PLEKHG3: variants seen among roughly 807,000 people sequenced by gnomAD.
PLEKHG3 encodes pleckstrin homology and RhoGEF domain containing G3.
In PLEKHG3, 62 loss-of-function variants were observed where a neutral mutation model predicts 94.9. The observed-to-expected ratio is 0.65, with a 90% CI of 0.53 to 0.81. The LOEUF (loss-of-function observed/expected upper bound fraction) is 0.81. Among genes scored for constraint, PLEKHG3 ranks in the 30% least tolerant of loss-of-function variants. The pLI is 0.00. For synonymous variants in PLEKHG3, 614 were observed against 654.0 expected (o/e 0.94, Z 0.93); for missense variants, 1,461 against 1,619.3 (o/e 0.90, Z 1.68).
Position 64,731,188 on chromosome 14 carries a change from GCT to G in PLEKHG3, c.849+20_849+21del. On this transcript the variant is annotated intron_variant, in intron 7 of 16. Transcript: ENST00000247226. This position sits in a 1 kb window ranked among gnomAD's most constrained non-coding sequence, Gnocchi z 6.1. ...GCTCCAGGTGCTCTGGGGCTGGGAC[GCT>G]GGGGGAGGGGCAGGGCTGGGTGGGC... 6.3e-7 allele frequency: 1 copy of G among 1,597,104 alleles called. No individual in the cohort carries two copies. The highest frequency in any genetic ancestry group is 8.6e-7 in the Non-Finnish European group (1 of 1,167,282).
In PLEKHG3 at chr14:64,729,050, A is replaced by G; in HGVS notation, c.406A>G (p.Ser136Gly). The G allele has an allele frequency of 6.5e-7, 1 of 1,528,792 alleles. No homozygotes were observed. Among genetic ancestry groups the G allele is most frequent in the Non-Finnish European group, 8.8e-7 (1 of 1,140,498 alleles). 94.7% of individuals were successfully genotyped at this position (1,528,792 alleles called of 1,614,324 possible). A position where few individuals can be genotyped will look rare whatever the true frequency, so the allele number is the denominator to read the frequency against. ...TPGLLKPEQV[S>G]ALFGNIENIY... ...CGGGCTGCTGAAGCCAGAACAGGTC[A>G]GCGCCCTCTTTGGGAACATAGAAAA... is the stretch of plus-strand genomic sequence containing the variant. The change falls in exon 3 of 17, where the codon AGC becomes GGC. Residue 136 changes from serine (S) to glycine (G), a missense_variant. By Grantham distance (56) the Ser-to-Gly change is moderately conservative. This residue lies in a region of PLEKHG3 where 253 missense variants were observed against 297.8 expected (regional missense o/e 0.85). Transcript: ENST00000247226.
rs1388597240 is a variant in PLEKHG3 at position 64,723,571 on chromosome 14, G to A, written c.-39-4022G>A. ...GCTGGAGTACAGTGGCGCGATCTCA[G>A]CTCACTGAAACATCTGCCTTCCAGG... On this transcript the variant is annotated intron_variant, in intron 1 of 16. Transcript: ENST00000247226. This position sits in a 1 kb window ranked among gnomAD's most constrained non-coding sequence, Gnocchi z 4.5. 6.6e-6 allele frequency among the ~76,000 whole-genome samples: 1 copy of A among 152,042 alleles called. No individual in the cohort carries two copies.
At chr14:64,710,331 T>C (rs1243873870) in intron 1 of PLEKHG3, among the ~76,000 whole-genome samples, 2 of 152,174 alleles carry the variant, frequency 1.3e-5, no homozygotes, top group African/African-American at 4.8e-5. Flanking sequence ...CTTCTACATA[T>C]AAGCTATGTC....
rs754844099 is a variant in PLEKHG3 at position 64,741,371 on chromosome 14, C to T, written c.1854C>T (p.Ser618=). Residue 618 remains serine, a synonymous_variant, in exon 16 of 17, where the codon AGC becomes AGT. Transcript: ENST00000247226. The part of the protein sequence containing the change: ...RFVSSFSRRS[S]VAQEDSKSSG... Reference sequence around the variant, plus strand: ...TCAGCAGCTTCTCTCGGCGGAGCAGCGTGGCACAGGAGGACAGCAAGTCCA... The same window carrying T: ...TCAGCAGCTTCTCTCGGCGGAGCAGTGTGGCACAGGAGGACAGCAAGTCCA... 9.3e-6 allele frequency: 15 copies of T among 1,613,432 alleles called. No homozygotes were observed. In the South Asian group the frequency reaches 1.1e-4, roughly 12 times the overall value.
intron 15 of PLEKHG3, 63 bp from the exon 16 acceptor site, chr14:64,740,973 T>A: frequency 7.2e-7 from 1 of 1,379,542 alleles, no homozygotes; most frequent in Non-Finnish European, 9.9e-7. Context: ...TGCTGTCCCC[T>A]TGTTCCCCGG....
Position 64,716,206 on chromosome 14 carries a change from C to T in PLEKHG3, c.-39-11387C>T. On this transcript the variant is annotated intron_variant, in intron 1 of 16. Coordinates refer to ENST00000247226, the MANE Select transcript of PLEKHG3 (RefSeq NM_001308147.2). This position sits in a 1 kb window ranked among gnomAD's most constrained non-coding sequence, Gnocchi z 5.0. ...TTCCCCCAGGAAACCCAGCCAATCA[C>T]AGGCTTTAGGGTAAAAGGCAGGTTT... 1 of 372,762 alleles carries T rather than the reference C, an allele frequency of 2.7e-6. No individual in the cohort carries two copies. The highest frequency in any genetic ancestry group is 5.4e-6 in the Non-Finnish European group (1 of 185,760). 23.1% of individuals were successfully genotyped at this position (372,762 alleles called of 1,614,324 possible). A position where few individuals can be genotyped will look rare whatever the true frequency, so the allele number is the denominator to read the frequency against.
At position 64,727,501 on chromosome 14, in the gene PLEKHG3, A is replaced by ACCC; in HGVS notation, c.-39-90_-39-88dup. The ACCC allele has an allele frequency of 7.1e-6, 2 of 280,846 alleles. No individual in the cohort carries two copies. Among genetic ancestry groups the ACCC allele is most frequent in the African/African-American group, 2.8e-5 (1 of 35,734 alleles). The allele number at this position is 280,846 out of a possible 1,614,324, so 17.4% of individuals were successfully genotyped here. ...TGGATGCACTAAATAATACCTTCCC[A>ACCC]CCCCACCTGCCCCCACCCCTGGCAA... On this transcript the variant is annotated intron_variant, in intron 1 of 16. Transcript: ENST00000247226. This position sits in a 1 kb window ranked among gnomAD's most constrained non-coding sequence, Gnocchi z 6.0.
At chr14:64,706,518 G>C (rs73271700) in intron 1 of PLEKHG3, among the ~76,000 whole-genome samples, 1 of 152,204 alleles carries the variant, frequency 6.6e-6, no homozygotes, top group Non-Finnish European at 1.5e-5. Flanking sequence ...TTTGTGGAAA[G>C]TGCTCCATAA....
chr14:64,730,364 A>G lies in PLEKHG3; in HGVS notation c.519+52A>G. On this transcript the variant is annotated intron_variant, in intron 4 of 16. Coordinates refer to ENST00000247226, the MANE Select transcript of PLEKHG3 (RefSeq NM_001308147.2). This position sits in a 1 kb window ranked among gnomAD's most constrained non-coding sequence, Gnocchi z 5.4. ...GTCCTACCTTGCTGAGAGCTCAGAG[A>G]GACAAGAACTGCCAGCATAAGAGGA... 2 of 1,175,026 alleles carry G rather than the reference A, an allele frequency of 1.7e-6. No individual in the cohort carries two copies. Among genetic ancestry groups the G allele is most frequent in the Non-Finnish European group, 2.4e-6 (2 of 817,144 alleles). 72.8% of individuals were successfully genotyped at this position (1,175,026 alleles called of 1,614,324 possible). A position where few individuals can be genotyped will look rare whatever the true frequency, so the allele number is the denominator to read the frequency against.
At chr14:64,742,544 C>A in intron 16 of PLEKHG3, 89 bp downstream of exon 16, 1 of 964,432 alleles carries the variant, frequency 1.0e-6, no homozygotes. Flanking sequence ...GGAAAGTGAC[C>A]TCTAAGGAGG....
In PLEKHG3 at chr14:64,715,959, C is replaced by T. The variant is rs900280211; in HGVS notation, c.-40+11255C>T. On this transcript the variant is annotated intron_variant, in intron 1 of 16. Transcript: ENST00000247226. The surrounding 1 kb of genome is among the most constrained non-coding windows in gnomAD (Gnocchi z 4.4). ...AGGAGGCGGCGGGCGCTTTAATTCC[C>T]GAGGCTGTTGGTGGCAGCTCGCTGC... 4.3e-5 allele frequency: 19 copies of T among 445,384 alleles called. 1 individual carries two copies. Among genetic ancestry groups the T allele is most frequent in the South Asian group, 1.3e-4 (8 of 63,482 alleles). 27.6% of individuals were successfully genotyped at this position (445,384 alleles called of 1,614,324 possible).
rs540092667 is a variant in PLEKHG3, at chr14:64,725,548, T to C, written c.-39-2045T>C. On this transcript the variant is annotated intron_variant, in intron 1 of 16. Transcript: ENST00000247226. The surrounding 1 kb of genome is among the most constrained non-coding windows in gnomAD (Gnocchi z 5.0). ...TTCTGTAAAAGGCATAGCTGATTAA[T>C]TGTAAAGGCCCTTTTGAGGAGGGAG... is the stretch of plus-strand genomic sequence containing the variant. 6.6e-6 allele frequency among the ~76,000 whole-genome samples: 1 copy of C among 152,178 alleles called. No individual in the cohort carries two copies. The highest frequency in any genetic ancestry group is 1.5e-5 in the Non-Finnish European group (1 of 68,030).
At position 64,749,215 on chromosome 14, in the gene PLEKHG3, T is replaced by C. The variant is rs552641164; in HGVS notation, c.*5512T>C. On this transcript the variant is annotated 3_prime_UTR_variant, in exon 17 of 17. Coordinates refer to ENST00000247226, the MANE Select transcript of PLEKHG3 (RefSeq NM_001308147.2). The surrounding 1 kb of genome is among the most constrained non-coding windows in gnomAD (Gnocchi z 4.7). ...GGCCCGCGACTCGACTCATCTCGAT[T>C]CGACCGGCGGGCGGCGGCGAGAGGA... 1.3e-4 allele frequency: 186 copies of C among 1,469,832 alleles called. No homozygotes were observed. In the African/African-American group the frequency reaches 2.5e-3, roughly 20 times the overall value. 91.0% of individuals were successfully genotyped at this position (1,469,832 alleles called of 1,614,324 possible). A position where few individuals can be genotyped will look rare whatever the true frequency, so the allele number is the denominator to read the frequency against.
At position 64,743,823 on chromosome 14, in the gene PLEKHG3, C is replaced by G; in HGVS notation, c.*120C>G. 9.1e-7 allele frequency: 1 copy of G among 1,096,306 alleles called. No homozygotes were observed. Among genetic ancestry groups the G allele is most frequent in the Non-Finnish European group, 1.3e-6 (1 of 791,210 alleles). The allele number at this position is 1,096,306 out of a possible 1,614,324, so 67.9% of individuals were successfully genotyped here. On this transcript the variant is annotated 3_prime_UTR_variant, in exon 17 of 17. Transcript: ENST00000247226. The surrounding 1 kb of genome is among the most constrained non-coding windows in gnomAD (Gnocchi z 7.2). ...AGGGCCCTCAGGTGGGCGGAAAGTC[C>G]ATCCCCTCCGCCCTTCAGGAAGGAT...
chr14:64,737,971 A>AGG, intron 14 of PLEKHG3: 1 of 1,141,136 alleles, frequency 8.8e-7, no homozygotes. Flanking sequence ...GAAGAGGAGG[A>AGG]GGTGGTGGAG....
chr14:64,726,124 G>C lies in PLEKHG3; in HGVS notation c.-39-1469G>C, dbSNP rs2081347752. On this transcript the variant is annotated intron_variant, in intron 1 of 16. Transcript: ENST00000247226. The surrounding 1 kb of genome is among the most constrained non-coding windows in gnomAD (Gnocchi z 5.1). ...TGGATGTAAATTACATAGGTTGGGG[G>C]ATGGTACTGTATGGGGTGGATGGGG... is the stretch of plus-strand genomic sequence containing the variant. 6.6e-6 allele frequency among the ~76,000 whole-genome samples: 1 copy of C among 152,166 alleles called. No individual in the cohort carries two copies. The highest frequency in any genetic ancestry group is 1.5e-5 in the Non-Finnish European group (1 of 68,024).
chr14:64,732,582 G>C lies in PLEKHG3; in HGVS notation c.1246+122G>C. 1 of 885,066 alleles carries C rather than the reference G, an allele frequency of 1.1e-6. No homozygotes were observed. The highest frequency in any genetic ancestry group is 1.9e-6 in the Non-Finnish European group (1 of 525,322). 54.8% of individuals were successfully genotyped at this position (885,066 alleles called of 1,614,324 possible). ...GGAGCAGGGAGGGCGGGGGTCTCCT[G>C]TTAAGGGCTGGGGGGTGAACTACAT... On this transcript the variant is annotated intron_variant, in intron 11 of 16. Coordinates refer to ENST00000247226, the MANE Select transcript of PLEKHG3 (RefSeq NM_001308147.2). The surrounding 1 kb of genome is among the most constrained non-coding windows in gnomAD (Gnocchi z 4.9).
Position 64,743,925 on chromosome 14 carries a change from G to A in PLEKHG3, c.*222G>A. ...AATTTCCCACTCACCTGTGAGGCCGGTGTGGCTGCTTCCCTTGTAAATAGT... is the reference window on the plus strand; with the variant it reads ...AATTTCCCACTCACCTGTGAGGCCGATGTGGCTGCTTCCCTTGTAAATAGT... On this transcript the variant is annotated 3_prime_UTR_variant, in exon 17 of 17. Transcript: ENST00000247226. This position sits in a 1 kb window ranked among gnomAD's most constrained non-coding sequence, Gnocchi z 7.2. 4.3e-6 allele frequency: 2 copies of A among 468,622 alleles called. No individual in the cohort carries two copies. The highest frequency in any genetic ancestry group is 7.5e-6 in the Non-Finnish European group (2 of 268,082). 29.0% of individuals were successfully genotyped at this position (468,622 alleles called of 1,614,324 possible).
Position 64,749,242 on chromosome 14 carries a change from GC to G in PLEKHG3, c.*5541del. On this transcript the variant is annotated 3_prime_UTR_variant, in exon 17 of 17. Transcript: ENST00000247226. The surrounding 1 kb of genome is among the most constrained non-coding windows in gnomAD (Gnocchi z 4.7). ...GACCGGCGGGCGGCGGCGAGAGGAG[GC>G]CAAGGCCTGGGCTGCCCGGTCTCTG... 6.5e-7 allele frequency: 1 copy of G among 1,526,844 alleles called. No homozygotes were observed. Among genetic ancestry groups the G allele is most frequent in the South Asian group, 1.2e-5 (1 of 83,624 alleles). The allele number at this position is 1,526,844 out of a possible 1,614,324, so 94.6% of individuals were successfully genotyped here.
Sources: allele counts gnomAD v4.1 joint callset (sites outside exome capture counted in the v4.1 genomes callset), GRCh38; gene constraint gnomAD v4.1.1; regional missense constraint gnomAD v4.1.1; non-coding constraint Gnocchi (gnomAD v3.1); transcripts MANE v1.5; gene names NCBI Gene and HGNC (gene_info 2026-07-23, HGNC 2026-07-21).